The following MIR2052HG variants were observed in gnomAD, a reference collection of about 807,000 sequenced individuals.
MIR2052HG encodes MIR2052 host gene.
chr8:74,754,315 T>G (rs2128757010), intron 5 of MIR2052HG, among the ~76,000 whole-genome samples: 1 of 152,328 alleles, frequency 6.6e-6, no homozygotes, highest in Middle Eastern at 3.4e-3. Flanking sequence ...TGATTACCAC[T>G]TTAGAAAACT....
intron 2 of MIR2052HG, among the ~76,000 whole-genome samples, chr8:74,699,819 T>C (rs1809340473): frequency 6.6e-6 from 1 of 152,174 alleles, no homozygotes; most frequent in Non-Finnish European, 1.5e-5. Context: ...AAATGGTTTC[T>C]ATATGGTAAA....
At position 74,620,180 on chromosome 8, in the gene MIR2052HG, C is replaced by T. The variant is rs562911991; in HGVS notation, n.216+7240C>T. Among the ~76,000 whole-genome samples the T allele has an allele frequency of 1.1e-4, 16 of 152,292 alleles. 1 individual carries two copies. In the East Asian group the frequency reaches 1.4e-3, roughly 13 times the overall value. ...TATGCTGATGCAAGAGGTGGGTTCC[C>T]GTGGTCTTAGGCAGCTCTGCCCCTC... is the stretch of plus-strand genomic sequence containing the variant. On this transcript the variant is annotated intron_variant and non_coding_transcript_variant, in intron 2 of 6. Transcript: ENST00000523442.
intron 2 of MIR2052HG, chr8:74,702,266 G>T (rs79914831): frequency 1.0e-5 from 2 of 199,580 alleles, no homozygotes; most frequent in Admixed American, 1.1e-4. Context: ...ATGTGAAAGC[G>T]ATTTTGATTA....
chr8:74,715,699 C>G (rs568297578), intron 4 of MIR2052HG, among the ~76,000 whole-genome samples: 1 of 152,248 alleles, frequency 6.6e-6, no homozygotes, highest in South Asian at 2.1e-4. Flanking sequence ...TAACTTGTCC[C>G]AGGCAAGGAT....
intron 2 of MIR2052HG, among the ~76,000 whole-genome samples, chr8:74,619,208 A>G (rs1171390305): frequency 1.3e-5 from 2 of 152,196 alleles, no homozygotes; most frequent in African/African-American, 4.8e-5. Flanking sequence ...AAAGCAATAT[A>G]CAAATAAAAT....
At chr8:74,755,162 C>G (rs754869226) in intron 5 of MIR2052HG, among the ~76,000 whole-genome samples, 6 of 152,096 alleles carry the variant, frequency 3.9e-5, no homozygotes, top group African/African-American at 1.4e-4. Context: ...CTAGAGATTG[C>G]GATTGTCTTC....
rs2128730443 is a variant in MIR2052HG, at chr8:74,604,032, G to A, written n.128+4124G>A. On this transcript the variant is annotated intron_variant and non_coding_transcript_variant, in intron 1 of 6. Transcript: ENST00000523442. ...CCAGTTTGTCAATGATCATAGCAAA[G>A]CCTTTGAAGACGGCATTAGCAGGTC... 3 of 967,836 alleles carry A rather than the reference G, an allele frequency of 3.1e-6. No homozygotes were observed. The East Asian group carries it at 7.1e-5, about 23-fold the overall frequency. The allele number at this position is 967,836 out of a possible 1,614,324, so 60.0% of individuals were successfully genotyped here.
chr8:74,710,562 G>A (rs1809457311), intron 4 of MIR2052HG, among the ~76,000 whole-genome samples: 1 of 152,050 alleles, frequency 6.6e-6, no homozygotes, highest in Non-Finnish European at 1.5e-5. Context: ...ATTTAGTATG[G>A]CGTTTATAGC....
chr8:74,697,936 G>A (rs942947708), intron 2 of MIR2052HG, among the ~76,000 whole-genome samples: 2 of 152,070 alleles, frequency 1.3e-5, no homozygotes, highest in Non-Finnish European at 2.9e-5. Context: ...GCTGCCAAAA[G>A]CAATCTACAA....
At chr8:74,755,757 C>T (rs1345006985) in intron 5 of MIR2052HG, among the ~76,000 whole-genome samples, 4 of 152,072 alleles carry the variant, frequency 2.6e-5, no homozygotes, top group Admixed American at 2.0e-4. Flanking sequence ...ACTCTTCAAG[C>T]GGCCACTTGA....
intron 2 of MIR2052HG, among the ~76,000 whole-genome samples, chr8:74,613,566 C>T (rs1352846737): frequency 2.0e-5 from 3 of 152,268 alleles, no homozygotes; most frequent in African/African-American, 7.2e-5. Flanking sequence ...CTCACTGCAA[C>T]TTCCGCCTCC....
intron 2 of MIR2052HG, among the ~76,000 whole-genome samples, chr8:74,680,605 A>G (rs1340666148): frequency 6.6e-6 from 1 of 152,156 alleles, no homozygotes; most frequent in African/African-American, 2.4e-5. Flanking sequence ...ACACTTTTAC[A>G]CTGTTGGTGG....
At chr8:74,633,707 G>A (rs1353842135) in intron 2 of MIR2052HG, among the ~76,000 whole-genome samples, 1 of 152,198 alleles carries the variant, frequency 6.6e-6, no homozygotes, top group Non-Finnish European at 1.5e-5. Context: ...ACTCAGCATT[G>A]ATGCTGAGTA....
rs532302283 is a variant in MIR2052HG at position 74,714,621 on chromosome 8, G to T, written n.371+10939G>T. On this transcript the variant is annotated intron_variant and non_coding_transcript_variant, in intron 4 of 6. Coordinates refer to ENST00000523442, the Ensembl canonical transcript of MIR2052HG. ...CAATTGTGTGTGCTAGAATTTCAGG[G>T]TGTGAGGAGTAGGTTGGTTATCCTA... Among the ~76,000 whole-genome samples, 7 of 151,638 alleles carry T rather than the reference G, an allele frequency of 4.6e-5. No individual in the cohort carries two copies. In the East Asian group the frequency reaches 1.4e-3, roughly 29 times the overall value.
intron 2 of MIR2052HG, among the ~76,000 whole-genome samples, chr8:74,663,549 C>CTGTTT (rs1324777891): frequency 1.3e-5 from 2 of 152,204 alleles, no homozygotes; most frequent in African/African-American, 4.8e-5. Flanking sequence ...CACTTGCAGT[C>CTGTTT]TGTTTTCCCT....
chr8:74,749,207 T>C (rs900997050), intron 4 of MIR2052HG, among the ~76,000 whole-genome samples: 5 of 152,198 alleles, frequency 3.3e-5, no homozygotes, highest in Admixed American at 1.3e-4. Flanking sequence ...ACTGTCAGCA[T>C]CCTATCAGCA....
rs1485340799 is a variant in MIR2052HG at position 74,673,910 on chromosome 8, T to TATATATATATATATATATATACAC, written n.217-28468_217-28467insTATATATATATATATATATACACA. Among the ~76,000 whole-genome samples the TATATATATATATATATATATACAC allele has an allele frequency of 6.5e-3, 864 of 132,882 alleles. 32 individuals are homozygous for TATATATATATATATATATATACAC. The highest frequency in any genetic ancestry group is 0.025 in the African/African-American group (722 of 29,254). The allele number at this position is 132,882 out of a possible 152,430, so 87.2% of individuals were successfully genotyped here. On this transcript the variant is annotated intron_variant and non_coding_transcript_variant, in intron 2 of 6. Coordinates refer to ENST00000523442, the Ensembl canonical transcript of MIR2052HG. ...TTGTATATATATATATATATATATA[T>TATATATATATATATATATATACAC]ACACACACAAAATATCTATCTATAT...
At chr8:74,605,693 TC>T (rs151058064) in intron 1 of MIR2052HG, among the ~76,000 whole-genome samples, 9,634 of 152,244 alleles carry the variant, frequency 0.063, 369 homozygotes, top group South Asian at 0.092. Flanking sequence ...CTGAAAGAGT[TC>T]CAACAAAGAA....
At chr8:74,654,108 A>T (rs1313871699) in intron 2 of MIR2052HG, among the ~76,000 whole-genome samples, 1 of 152,186 alleles carries the variant, frequency 6.6e-6, no homozygotes, top group Non-Finnish European at 1.5e-5. Flanking sequence ...GAGCATTTCT[A>T]CTGAGAGAAT....
Sources: allele counts gnomAD v4.1 joint callset (sites outside exome capture counted in the v4.1 genomes callset), GRCh38; gene constraint gnomAD v4.1.1; transcripts MANE v1.5; gene names NCBI Gene and HGNC (gene_info 2026-07-23, HGNC 2026-07-21).